The following DISC1 variants were observed in gnomAD, a reference collection of about 807,000 sequenced individuals.
DISC1 encodes DISC1 scaffold protein.
A neutral mutation model predicts 84.5 loss-of-function variants in DISC1; 57 were observed. The observed-to-expected ratio is 0.67, with a 90% CI of 0.55 to 0.84. The LOEUF is 0.84. Ranked by LOEUF, DISC1 falls within the 40% of genes least tolerant of loss-of-function variation. The pLI, the probability that DISC1 is intolerant of heterozygous loss-of-function variation, is 0.00. For missense variants in DISC1, 1,000 were observed against 1,057.8 expected, an observed-to-expected ratio of 0.95 and a Z score of 0.76; for synonymous variants, 411 against 415.2, an observed-to-expected ratio of 0.99 and a Z score of 0.12.
chr1:231,823,773 G>T (rs1388644984), intron 9 of DISC1, among the ~76,000 whole-genome samples: 4 of 152,100 alleles, frequency 2.6e-5, no homozygotes, highest in Admixed American at 6.6e-5. Flanking sequence ...CGATGGTTGT[G>T]ACCAACTACC....
intron 1 of DISC1, among the ~76,000 whole-genome samples, chr1:231,682,584 G>A (rs905701091): frequency 3.3e-5 from 5 of 152,210 alleles, no homozygotes; most frequent in African/African-American, 4.8e-5. Context: ...TCACTCATAA[G>A]AGGCAGAGCT....
intron 9 of DISC1, among the ~76,000 whole-genome samples, chr1:231,918,452 T>C (rs919771777): frequency 2.0e-5 from 3 of 152,220 alleles, no homozygotes; most frequent in African/African-American, 7.2e-5. Context: ...TTGTGGGTTG[T>C]GTTTGAGGTA....
chr1:231,864,446 G>A lies in DISC1; in HGVS notation c.1981+45929G>A, dbSNP rs58062235. ...TGGGAGGCCGAGGTGGGCAGATCAC[G>A]AGGTCAGGAGATTGAGACCATCCTG... On this transcript the variant is annotated intron_variant, in intron 9 of 12. Transcript: ENST00000439617. Among the ~76,000 whole-genome samples the A allele has an allele frequency of 2.4e-3, 358 of 152,172 alleles. 2 individuals carry two copies. The highest frequency in any genetic ancestry group is 8.3e-3 in the African/African-American group (344 of 41,512).
At chr1:231,924,801 C>T (rs1011493793) in intron 9 of DISC1, among the ~76,000 whole-genome samples, 10 of 151,810 alleles carry the variant, frequency 6.6e-5, no homozygotes, top group African/African-American at 2.4e-4. Context: ...GGATTACAGG[C>T]GCCTGCCACC....
intron 1 of DISC1, among the ~76,000 whole-genome samples, chr1:231,643,642 G>T (rs573398621): frequency 5.8e-4 from 89 of 152,338 alleles, no homozygotes; most frequent in African/African-American, 2.1e-3. Flanking sequence ...ATCTCTGCCA[G>T]CTCTTGTGTC....
rs149791230 is a variant in DISC1 at position 231,797,472 on chromosome 1, G to A, written c.1689+2176G>A. Among the ~76,000 whole-genome samples the A allele has an allele frequency of 1.9e-3, 291 of 152,302 alleles. 3 individuals are homozygous for A. Among genetic ancestry groups the A allele is most frequent in the African/African-American group, 6.2e-3 (256 of 41,568 alleles). ...GGGATTAGGGTTCCAGCATGGCTAAGTTCTGGTGAGAGGCCCTCTTACAGG... is the reference window on the plus strand; with the variant it reads ...GGGATTAGGGTTCCAGCATGGCTAAATTCTGGTGAGAGGCCCTCTTACAGG... On this transcript the variant is annotated intron_variant, in intron 7 of 12. Transcript: ENST00000439617.
At chr1:231,747,861 C>T (rs187051139) in intron 3 of DISC1, among the ~76,000 whole-genome samples, 2 of 152,144 alleles carry the variant, frequency 1.3e-5, no homozygotes, top group South Asian at 2.1e-4. Context: ...TCTTACAATC[C>T]ATCAGTATGG....
chr1:231,749,885 A>G, intron 3 of DISC1, 41 bp from the exon 4 acceptor site: 3 of 1,614,016 alleles, frequency 1.9e-6, no homozygotes, highest in Non-Finnish European at 2.5e-6. Context: ...TTTGCATTTC[A>G]TGGTTCTTTT....
At chr1:231,714,368 G>C (rs1249163503) in intron 3 of DISC1, among the ~76,000 whole-genome samples, 3 of 152,172 alleles carry the variant, frequency 2.0e-5, no homozygotes, top group Non-Finnish European at 4.4e-5. Context: ...TCAACTGATG[G>C]TGCTGGGGCA....
At chr1:231,718,154 C>T (rs905778506) in intron 3 of DISC1, among the ~76,000 whole-genome samples, 7 of 152,174 alleles carry the variant, frequency 4.6e-5, no homozygotes, top group Non-Finnish European at 4.4e-5. Flanking sequence ...GACACACGCA[C>T]TCGCCTCTTA....
At chr1:231,751,721 C>T (rs1012469339) in intron 4 of DISC1, among the ~76,000 whole-genome samples, 11 of 152,148 alleles carry the variant, frequency 7.2e-5, no homozygotes, top group Admixed American at 1.3e-4. Flanking sequence ...TGACATCATA[C>T]AATATTTGCT....
intron 6 of DISC1, among the ~76,000 whole-genome samples, chr1:231,775,274 G>T (rs1573715091): frequency 1.3e-5 from 2 of 152,314 alleles, no homozygotes; most frequent in African/African-American, 2.4e-5. Context: ...AACTTGAAAA[G>T]AAACTTCCTA....
At position 231,667,521 on chromosome 1, in the gene DISC1, T is replaced by G. The variant is rs139302210; in HGVS notation, c.68-26305T>G. Reference sequence around the variant, plus strand: ...CTTTGTTGAGTTAAAATCAAATTGCTTTCTACTTCAGTAAATCCAATTCAG... The same window carrying G: ...CTTTGTTGAGTTAAAATCAAATTGCGTTCTACTTCAGTAAATCCAATTCAG... On this transcript the variant is annotated intron_variant, in intron 1 of 12. Coordinates refer to ENST00000439617, the MANE Select transcript of DISC1 (RefSeq NM_018662.3). Among the ~76,000 whole-genome samples the G allele has an allele frequency of 9.4e-4, 143 of 152,318 alleles. 1 individual carries two copies. The highest frequency in any genetic ancestry group is 3.3e-3 in the African/African-American group (139 of 41,568).
intron 8 of DISC1, among the ~76,000 whole-genome samples, chr1:231,815,649 A>T (rs915878294): frequency 3.3e-5 from 5 of 151,858 alleles, no homozygotes; most frequent in Non-Finnish European, 7.4e-5. Flanking sequence ...GAGGCAGGAG[A>T]ATAGTTTCAA....
At chr1:231,651,702 T>C (rs1212344269) in intron 1 of DISC1, among the ~76,000 whole-genome samples, 6 of 152,258 alleles carry the variant, frequency 3.9e-5, no homozygotes, top group Non-Finnish European at 8.8e-5. Context: ...AGCTGGGGTC[T>C]ACAGAGGCAG....
chr1:231,777,398 T>C (rs2077038252), intron 6 of DISC1, among the ~76,000 whole-genome samples: 1 of 152,136 alleles, frequency 6.6e-6, no homozygotes, highest in Non-Finnish European at 1.5e-5. Context: ...TTTTTTAATT[T>C]TTTATAGAGA....
intron 10 of DISC1, among the ~76,000 whole-genome samples, chr1:231,973,921 A>G (rs1662413180): frequency 6.6e-6 from 1 of 152,072 alleles, no homozygotes. Flanking sequence ...GATACGGAGT[A>G]CCCTCCTCAC....
intron 6 of DISC1, among the ~76,000 whole-genome samples, chr1:231,774,382 C>T (rs1325003648): frequency 3.9e-5 from 6 of 152,236 alleles, no homozygotes; most frequent in African/African-American, 1.2e-4. Flanking sequence ...TTTTCTCCTG[C>T]GATAAGGAAG....
At chr1:231,823,486 C>A (rs1349313204) in intron 9 of DISC1, among the ~76,000 whole-genome samples, 3 of 152,180 alleles carry the variant, frequency 2.0e-5, no homozygotes, top group Non-Finnish European at 2.9e-5. Context: ...GAAGCATCAT[C>A]CTTCTTCCTC....
Sources: allele counts gnomAD v4.1 joint callset (sites outside exome capture counted in the v4.1 genomes callset), GRCh38; gene constraint gnomAD v4.1.1; transcripts MANE v1.5; gene names NCBI Gene and HGNC (gene_info 2026-07-23, HGNC 2026-07-21).